RMST: variants seen among roughly 807,000 people sequenced by gnomAD.
RMST encodes long intergenic non-protein coding RNA 54.
chr12:97,504,422 AAAG>A (rs1486192979), intron 10 of RMST, among the ~76,000 whole-genome samples: 21 of 151,614 alleles, frequency 1.4e-4, no homozygotes, highest in African/African-American at 5.1e-4. Flanking sequence ...AAAAAAAAAA[AAAG>A]AATGCACAGA....
intron 5 of RMST, among the ~76,000 whole-genome samples, chr12:97,481,219 CCTCTT>C (rs1158167029): frequency 6.6e-6 from 1 of 152,044 alleles, no homozygotes; most frequent in Non-Finnish European, 1.5e-5. Context: ...AAGTATCTGT[CCTCTT>C]CTCTTATGAC....
intron 10 of RMST, among the ~76,000 whole-genome samples, chr12:97,498,140 G>T (rs139359033): frequency 6.6e-6 from 1 of 152,054 alleles, no homozygotes. Context: ...TTAATTGGAA[G>T]CTTTGTGATT....
chr12:97,467,268 A>G (rs953173622), intron 5 of RMST, among the ~76,000 whole-genome samples: 2 of 152,044 alleles, frequency 1.3e-5, no homozygotes, highest in Non-Finnish European at 2.9e-5. Context: ...CAATTCTTTC[A>G]GGAGATGTAC....
Position 97,468,586 on chromosome 12 carries a change from A to T in RMST, n.644+2859A>T, listed in dbSNP as rs116008654. 4.8e-3 allele frequency among the ~76,000 whole-genome samples: 737 copies of T among 152,118 alleles called. 8 individuals carry two copies. The highest frequency in any genetic ancestry group is 0.017 in the African/African-American group (704 of 41,560). Reference sequence around the variant, plus strand: ...ACAATTGAGTTCATAGTTCAAATGCAGTTACTGAAGTATACTAGTAGGTTA... The same window carrying T: ...ACAATTGAGTTCATAGTTCAAATGCTGTTACTGAAGTATACTAGTAGGTTA... On this transcript the variant is annotated intron_variant and non_coding_transcript_variant, in intron 5 of 13. Transcript: ENST00000640149.
chr12:97,470,759 T>C (rs7485799), intron 5 of RMST, among the ~76,000 whole-genome samples: 64,557 of 151,670 alleles, frequency 0.43, 14,153 homozygotes, highest in East Asian at 0.65. Flanking sequence ...GTTGATTTTG[T>C]TGTTTTACAC....
At chr12:97,513,316 A>G (rs200144779) in intron 10 of RMST, among the ~76,000 whole-genome samples, 2 of 152,258 alleles carry the variant, frequency 1.3e-5, no homozygotes. Context: ...ACAAAGCCCT[A>G]TATGGTTTTT....
At chr12:97,564,591 A>C (rs1425642171) in exon 14 of RMST, 1 of 152,220 alleles carries the variant, frequency 6.6e-6, no homozygotes, top group Non-Finnish European at 1.5e-5. Flanking sequence ...GTGAGGATTA[A>C]ATGAAGTAAT....
At chr12:97,532,674 AGGATTATCTCCTGAG>A (rs1881764935) in intron 11 of RMST, 1 of 123,396 alleles carries the variant, frequency 8.1e-6, no homozygotes, top group African/African-American at 3.4e-5. Flanking sequence ...TTTTTTAAAC[AGGATTATCTCCTGAG>A]ATGTGTAGAA....
intron 10 of RMST, among the ~76,000 whole-genome samples, chr12:97,529,293 A>C (rs958611852): frequency 5.3e-5 from 8 of 152,094 alleles, no homozygotes; most frequent in Non-Finnish European, 1.2e-4. Context: ...TAAGCTAAAC[A>C]GAGATTTTGG....
intron 10 of RMST, among the ~76,000 whole-genome samples, chr12:97,529,799 T>G (rs1881468739): frequency 6.6e-6 from 1 of 152,120 alleles, no homozygotes; most frequent in Non-Finnish European, 1.5e-5. Flanking sequence ...GCAAGTGTTG[T>G]GTATATCAAT....
At chr12:97,504,385 C>T (rs141739689) in intron 10 of RMST, among the ~76,000 whole-genome samples, 195 of 117,352 alleles carry the variant, frequency 1.7e-3, no homozygotes, top group African/African-American at 6.1e-3. Context: ...ACCTGGGCGA[C>T]AGAGTGAGAC....
chr12:97,471,220 AG>A (rs1334913585), intron 5 of RMST, among the ~76,000 whole-genome samples: 7 of 152,132 alleles, frequency 4.6e-5, no homozygotes, highest in Admixed American at 4.6e-4. Flanking sequence ...AAATATAGAT[AG>A]GGCTTCCTTC....
intron 3 of RMST, chr12:97,463,051 C>CTCTCTCTCTCTCTCTCTCTA (rs1872761645): frequency 6.7e-6 from 1 of 148,678 alleles, no homozygotes; most frequent in Non-Finnish European, 1.5e-5. Context: ...CTCTCTCTCT[C>CTCTCTCTCTCTCTCTCTCTA]TCTCTCTGAA....
At chr12:97,564,507 A>G (rs74603551) in exon 14 of RMST, 4,655 of 152,748 alleles carry the variant, frequency 0.03, 137 homozygotes, top group East Asian at 0.054. Context: ...CCTGGGGCAA[A>G]TGATATAAAC....
chr12:97,547,631 G>T (rs563327709), intron 11 of RMST, among the ~76,000 whole-genome samples: 1 of 152,100 alleles, frequency 6.6e-6, no homozygotes, highest in Non-Finnish European at 1.5e-5. Context: ...ATTTGCATTT[G>T]TCTGGCAATT....
intron 11 of RMST, among the ~76,000 whole-genome samples, chr12:97,536,487 T>A (rs968897304): frequency 3.3e-5 from 5 of 151,514 alleles, no homozygotes; most frequent in Non-Finnish European, 7.4e-5. Context: ...TTGTAAACTC[T>A]CTGAAGTTGA....
intron 10 of RMST, among the ~76,000 whole-genome samples, chr12:97,496,797 TG>T (rs1247077447): frequency 6.6e-6 from 1 of 152,154 alleles, no homozygotes; most frequent in Non-Finnish European, 1.5e-5. Flanking sequence ...GGACTTCCCC[TG>T]GGAACAATGA....
chr12:97,562,275 T>C (rs1375323925), intron 13 of RMST, among the ~76,000 whole-genome samples: 7 of 152,248 alleles, frequency 4.6e-5, no homozygotes, highest in Admixed American at 4.6e-4. Context: ...TGCTACCATT[T>C]AAGCATCAGC....
intron 10 of RMST, among the ~76,000 whole-genome samples, chr12:97,517,577 G>T (rs1592723541): frequency 6.6e-6 from 1 of 151,616 alleles, no homozygotes; most frequent in Non-Finnish European, 1.5e-5. Flanking sequence ...TCTATAATTT[G>T]CTTGTTCAAA....
Sources: gnomAD v4.1 joint callset for allele counts (sites outside exome capture counted in the v4.1 genomes callset) on GRCh38, gnomAD v4.1.1 for gene constraint, MANE v1.5 for transcripts, NCBI Gene and HGNC (gene_info 2026-07-23, HGNC 2026-07-21) for gene names.